The following SLC24A4 variants were observed in gnomAD, a reference collection of about 807,000 sequenced individuals.
SLC24A4 encodes the protein solute carrier family 24 member 4, also known as sodium/potassium/calcium exchanger 4.
A neutral mutation model predicts 79.0 loss-of-function variants in SLC24A4; 53 were observed. That is an observed-to-expected ratio of 0.67 (90% confidence interval 0.54 to 0.84). The LOEUF is 0.84. Ranked by LOEUF, SLC24A4 falls within the 40% of genes least tolerant of loss-of-function variation. SLC24A4 has a pLI of 0.00. For synonymous variants in SLC24A4, 323 were observed against 323.8 expected, an observed-to-expected ratio of 1.00 and a Z score of 0.03; for missense variants, 731 against 822.0, an observed-to-expected ratio of 0.89 and a Z score of 1.35.
At chr14:92,347,335 G>A (rs115477955) in intron 2 of SLC24A4, among the ~76,000 whole-genome samples, 1,583 of 152,282 alleles carry the variant, frequency 0.01, 25 homozygotes, top group African/African-American at 0.034. Flanking sequence ...GTGTCCATTC[G>A]TGATATAAGA....
chr14:92,420,098 G>A (rs1891194925), intron 2 of SLC24A4, among the ~76,000 whole-genome samples: 1 of 152,228 alleles, frequency 6.6e-6, no homozygotes, highest in South Asian at 2.1e-4. Flanking sequence ...CCGGGAGGAA[G>A]ATGTGGAGCT....
intron 12 of SLC24A4, chr14:92,462,122 C>T (rs1416382041): frequency 1.3e-5 from 2 of 152,274 alleles, no homozygotes; most frequent in African/African-American, 2.4e-5. Context: ...CACTTTTCCA[C>T]TCTGTGCTTC....
chr14:92,356,216 G>T (rs1595157244), intron 2 of SLC24A4, among the ~76,000 whole-genome samples: 2 of 152,246 alleles, frequency 1.3e-5, no homozygotes, highest in East Asian at 3.9e-4. Context: ...TCCGTAGATT[G>T]GGTAGATTCA....
At chr14:92,374,243 C>T (rs566611243) in intron 2 of SLC24A4, among the ~76,000 whole-genome samples, 165 of 152,282 alleles carry the variant, frequency 1.1e-3, no homozygotes, top group African/African-American at 3.9e-3. Context: ...TGAGGTAGGC[C>T]CCCATGGTGG....
At chr14:92,371,337 A>G (rs1890094402) in intron 2 of SLC24A4, among the ~76,000 whole-genome samples, 1 of 152,196 alleles carries the variant, frequency 6.6e-6, no homozygotes, top group Admixed American at 6.5e-5. Flanking sequence ...AGCAGTGGGG[A>G]TACCTACAAC....
intron 2 of SLC24A4, among the ~76,000 whole-genome samples, chr14:92,400,437 CAA>C (rs35343108): frequency 0.038 from 3,030 of 79,354 alleles, 68 homozygotes; most frequent in African/African-American, 0.11. Flanking sequence ...GACTCCATCT[CAA>C]AAAAAAAAAA....
rs71899331 is a variant in SLC24A4 at position 92,372,939 on chromosome 14, T to TTC, written c.241+46978_241+46979dup. ...TTCCTTTCTTTCTCTTTCTTTCTTT[T>TTC]TCTCTCTCTCTCTCTCTCCCTCTCT... On this transcript the variant is annotated intron_variant, in intron 2 of 16. Transcript: ENST00000532405. Among the ~76,000 whole-genome samples the TTC allele has an allele frequency of 1.2e-3, 146 of 120,450 alleles. 2 individuals carry two copies. Among genetic ancestry groups the TTC allele is most frequent in the African/African-American group, 3.8e-3 (126 of 33,208 alleles). 79.0% of individuals were successfully genotyped at this position (120,450 alleles called of 152,430 possible).
At chr14:92,423,530 C>G (rs1179476208) in intron 2 of SLC24A4, among the ~76,000 whole-genome samples, 1 of 152,186 alleles carries the variant, frequency 6.6e-6, no homozygotes, top group Non-Finnish European at 1.5e-5. Context: ...CAAATTTTCA[C>G]CACAGCACTC....
chr14:92,349,256 T>G (rs146500900), intron 2 of SLC24A4, among the ~76,000 whole-genome samples: 2 of 152,136 alleles, frequency 1.3e-5, no homozygotes, highest in African/African-American at 4.8e-5. Flanking sequence ...ACCTCTTGAG[T>G]TCAAGCAATT....
chr14:92,360,971 C>A (rs906639636), intron 2 of SLC24A4, among the ~76,000 whole-genome samples: 3 of 152,174 alleles, frequency 2.0e-5, no homozygotes, highest in African/African-American at 7.2e-5. Flanking sequence ...AATAAGCAGT[C>A]AAGCCTTTTA....
chr14:92,492,756 G>C (rs1238771811), intron 16 of SLC24A4: 1 of 430,990 alleles, frequency 2.3e-6, no homozygotes, highest in East Asian at 7.1e-5. Flanking sequence ...TCACAGAATT[G>C]GGCAATGGCA....
intron 2 of SLC24A4, among the ~76,000 whole-genome samples, chr14:92,343,704 T>C (rs11629372): frequency 0.018 from 527 of 28,864 alleles, 2 homozygotes; most frequent in African/African-American, 0.02. Context: ...TTCCTTCCTT[T>C]CTTTCTTTCT....
At chr14:92,349,761 A>G (rs1886766461) in intron 2 of SLC24A4, among the ~76,000 whole-genome samples, 2 of 152,230 alleles carry the variant, frequency 1.3e-5, no homozygotes, top group African/African-American at 2.4e-5. Context: ...GGGGATTCCA[A>G]TAGGAGGGCA....
intron 2 of SLC24A4, among the ~76,000 whole-genome samples, chr14:92,329,498 C>G (rs778539077): frequency 6.6e-6 from 1 of 152,106 alleles, no homozygotes; most frequent in East Asian, 1.9e-4. Flanking sequence ...CCCTCCCTTC[C>G]CTTCCCCCTT....
At position 92,499,096 on chromosome 14, in the gene SLC24A4, C is replaced by T. The variant is rs527794180; in HGVS notation, c.*5468C>T. 1.3e-5 allele frequency: 2 copies of T among 152,316 alleles called. No homozygotes were observed. The highest frequency in any genetic ancestry group is 1.3e-4 in the Admixed American group (2 of 15,294). 9.4% of individuals were successfully genotyped at this position (152,316 alleles called of 1,614,324 possible). On this transcript the variant is annotated 3_prime_UTR_variant, in exon 17 of 17. Transcript: ENST00000532405. ...CCTAACTTTTCAATGACAAATGGCTCCCAGGTGCCATAGTCTCTGTTAAAT... is the reference window on the plus strand; with the variant it reads ...CCTAACTTTTCAATGACAAATGGCTTCCAGGTGCCATAGTCTCTGTTAAAT...
chr14:92,373,470 C>G (rs1484638919), intron 2 of SLC24A4, among the ~76,000 whole-genome samples: 2 of 152,210 alleles, frequency 1.3e-5, no homozygotes, highest in Admixed American at 6.5e-5. Context: ...GTCTGACCCC[C>G]TCCTTGTGAT....
chr14:92,325,817 C>T (rs370826339), intron 1 of SLC24A4, 51 bp from the exon 2 acceptor site: 121 of 1,140,112 alleles, frequency 1.1e-4, no homozygotes, highest in Middle Eastern at 7.8e-4. Flanking sequence ...ATTTTGGAAA[C>T]GCAGCCATCA....
intron 2 of SLC24A4, among the ~76,000 whole-genome samples, chr14:92,431,815 G>A (rs1362721536): frequency 6.6e-6 from 1 of 152,204 alleles, no homozygotes; most frequent in Non-Finnish European, 1.5e-5. Context: ...ATGTGACCAG[G>A]TTCGCACAAG....
intron 2 of SLC24A4, among the ~76,000 whole-genome samples, chr14:92,422,250 A>G (rs561751098): frequency 6.6e-6 from 1 of 152,230 alleles, no homozygotes; most frequent in Non-Finnish European, 1.5e-5. Context: ...CATAACCATT[A>G]TCCTATTCCT....
Sources: gnomAD v4.1 joint callset for allele counts (sites outside exome capture counted in the v4.1 genomes callset) on GRCh38, gnomAD v4.1.1 for gene constraint, MANE v1.5 for transcripts, NCBI Gene and HGNC (gene_info 2026-07-23, HGNC 2026-07-21) for gene names.